The following AGAP1 variants were observed in gnomAD, a reference collection of about 807,000 sequenced individuals.
The protein encoded by AGAP1 is arf-GAP with GTPase, ANK repeat and PH domain-containing protein 1.
Under a neutral mutation model 105.3 loss-of-function variants are expected in AGAP1, and 29 were observed. The observed-to-expected ratio is 0.28, with a 90% CI of 0.21 to 0.38. The LOEUF (loss-of-function observed/expected upper bound fraction) is 0.38. Among genes scored for constraint, AGAP1 ranks in the 10% least tolerant of loss-of-function variants. The pLI, the probability that AGAP1 is intolerant of heterozygous loss-of-function variation, is 1.00. For synonymous variants in AGAP1, 509 were observed against 485.9 expected (o/e 1.05, Z -0.63); for missense variants, 998 against 1,165.1 (o/e 0.86, Z 2.09).
intron 12 of AGAP1, among the ~76,000 whole-genome samples, chr2:235,956,667 C>T (rs2053963757): frequency 6.6e-6 from 1 of 152,200 alleles, no homozygotes; most frequent in Admixed American, 6.5e-5. Context: ...GCTGTCCCAC[C>T]TGTGGTCAGG....
chr2:235,828,630 T>A (rs1959174026), intron 9 of AGAP1, among the ~76,000 whole-genome samples: 1 of 152,140 alleles, frequency 6.6e-6, no homozygotes, highest in African/African-American at 2.4e-5. Context: ...CAGGGTAGAA[T>A]TTAGGCTCAA....
rs989198757 is a variant in AGAP1 at position 235,792,738 on chromosome 2, G to C, written c.674-5021G>C. 2.6e-5 allele frequency among the ~76,000 whole-genome samples: 4 copies of C among 152,206 alleles called. No homozygotes were observed. Among genetic ancestry groups the C allele is most frequent in the Non-Finnish European group, 4.4e-5 (3 of 68,038 alleles). The stretch of plus-strand genomic sequence containing the variant: ...ACAGACGAGAGGCAGGTCTGAGAGA[G>C]GCTAGGAGGCCCAGGCTGGGCGGCG... On this transcript the variant is annotated intron_variant, in intron 6 of 17. Transcript: ENST00000304032. This position sits in a 1 kb window ranked among gnomAD's most constrained non-coding sequence, Gnocchi z 5.3.
At chr2:236,015,788 T>A (rs1343284494) in intron 13 of AGAP1, among the ~76,000 whole-genome samples, 2 of 152,176 alleles carry the variant, frequency 1.3e-5, no homozygotes, top group Non-Finnish European at 2.9e-5. Flanking sequence ...ACTAATTGAC[T>A]TATTTGGGGA....
chr2:235,741,113 A>G lies in AGAP1; in HGVS notation c.396+65A>G. Reference sequence around the variant, plus strand: ...TTTGTTTTCTAAGGTTTGATTCAAGAAGTGCTTCTAGAAATCGGTGACTTG... The same window carrying G: ...TTTGTTTTCTAAGGTTTGATTCAAGGAGTGCTTCTAGAAATCGGTGACTTG... On this transcript the variant is annotated intron_variant, in intron 4 of 17. Transcript: ENST00000304032. This position sits in a 1 kb window ranked among gnomAD's most constrained non-coding sequence, Gnocchi z 4.9. 7.3e-7 allele frequency: 1 copy of G among 1,363,976 alleles called. No homozygotes were observed. The highest frequency in any genetic ancestry group is 9.8e-7 in the Non-Finnish European group (1 of 1,016,950). 84.5% of individuals were successfully genotyped at this position (1,363,976 alleles called of 1,614,324 possible).
chr2:235,606,311 C>T (rs905626373), intron 1 of AGAP1, among the ~76,000 whole-genome samples: 4 of 152,244 alleles, frequency 2.6e-5, no homozygotes, highest in South Asian at 4.1e-4. Context: ...CGCTGAGAGC[C>T]GATCATGTAT....
rs548562889 is a variant in AGAP1 at position 235,982,446 on chromosome 2, G to C, written c.1645+13823G>C. On this transcript the variant is annotated intron_variant, in intron 13 of 17. Transcript: ENST00000304032. This position sits in a 1 kb window ranked among gnomAD's most constrained non-coding sequence, Gnocchi z 4.9. Reference sequence around the variant, plus strand: ...TCATAGCTAGGAGGTCAGAAGGAAGGGGGGACGATTCATGCAATGAGGCAC... The same window carrying C: ...TCATAGCTAGGAGGTCAGAAGGAAGCGGGGACGATTCATGCAATGAGGCAC... 6.6e-6 allele frequency among the ~76,000 whole-genome samples: 1 copy of C among 152,176 alleles called. No homozygotes were observed. Among genetic ancestry groups the C allele is most frequent in the African/African-American group, 2.4e-5 (1 of 41,442 alleles).
chr2:235,579,758 AGAGC>A (rs770098356), intron 1 of AGAP1, among the ~76,000 whole-genome samples: 6 of 151,838 alleles, frequency 4.0e-5, no homozygotes, highest in Non-Finnish European at 8.8e-5. Flanking sequence ...CCTGGGCAAC[AGAGC>A]GAGACTCCAT....
At chr2:236,037,402 A>ATT (rs199682320) in intron 14 of AGAP1, 1 of 151,088 alleles carries the variant, frequency 6.6e-6, no homozygotes, top group Non-Finnish European at 1.5e-5. Context: ...TTTAACCTGT[A>ATT]TTTTTTTTTC....
At chr2:235,681,202 G>A (rs986118419) in intron 1 of AGAP1, among the ~76,000 whole-genome samples, 10 of 152,058 alleles carry the variant, frequency 6.6e-5, no homozygotes, top group African/African-American at 2.2e-4. Context: ...GTAGAGACGG[G>A]GCTTCACCGT....
At chr2:235,605,467 C>T (rs190374410) in intron 1 of AGAP1, among the ~76,000 whole-genome samples, 3 of 152,336 alleles carry the variant, frequency 2.0e-5, no homozygotes, top group South Asian at 2.1e-4. Flanking sequence ...CCGGCCCTTC[C>T]GGCTTGTCGT....
chr2:235,674,903 G>C (rs1175265890), intron 1 of AGAP1, among the ~76,000 whole-genome samples: 1 of 151,736 alleles, frequency 6.6e-6, no homozygotes, highest in Non-Finnish European at 1.5e-5. Context: ...TGGCCAGGAT[G>C]GTCTCCATCT....
In AGAP1 at chr2:235,734,333, C is replaced by T. The variant is rs1952116640; in HGVS notation, c.311-6630C>T. 6.6e-6 allele frequency among the ~76,000 whole-genome samples: 1 copy of T among 152,162 alleles called. No homozygotes were observed. Among genetic ancestry groups the T allele is most frequent in the Admixed American group, 6.5e-5 (1 of 15,288 alleles). ...TCCTCCTGTCTTTCTCCCTTCCAGT[C>T]TGAACCCCACAGCGCTGGGCGGTTG... On this transcript the variant is annotated intron_variant, in intron 3 of 17. Coordinates refer to ENST00000304032, the MANE Select transcript of AGAP1 (RefSeq NM_001037131.3). This position sits in a 1 kb window ranked among gnomAD's most constrained non-coding sequence, Gnocchi z 5.3.
In AGAP1 at chr2:235,953,031, C is replaced by T. The variant is rs1354481840; in HGVS notation, c.1484-15431C>T. Among the ~76,000 whole-genome samples, 2 of 152,140 alleles carry T rather than the reference C, an allele frequency of 1.3e-5. No homozygotes were observed. Among genetic ancestry groups the T allele is most frequent in the African/African-American group, 4.8e-5 (2 of 41,424 alleles). ...CTTTCAAGTGGCTGGGCCTTCTGTA[C>T]GAGGCACCTGACACCACGATGCTAT... On this transcript the variant is annotated intron_variant, in intron 12 of 17. Transcript: ENST00000304032. The surrounding 1 kb of genome is among the most constrained non-coding windows in gnomAD (Gnocchi z 5.2).
In AGAP1 at chr2:236,129,020, C is replaced by T. The variant is rs893380283; in HGVS notation, c.*4898C>T. The T allele has an allele frequency of 5.9e-5, 9 of 152,384 alleles. 1 individual carries two copies. The highest frequency in any genetic ancestry group is 5.2e-4 in the Admixed American group (8 of 15,312). 9.4% of individuals were successfully genotyped at this position (152,384 alleles called of 1,614,324 possible). On this transcript the variant is annotated 3_prime_UTR_variant, in exon 18 of 18. Transcript: ENST00000304032. The surrounding 1 kb of genome is among the most constrained non-coding windows in gnomAD (Gnocchi z 6.2). ...AGGAAATGTAATTTATTTCCAACCG[C>T]TGCCTCAGACGGGGGTTTCACATGT...
chr2:236,103,015 A>T (rs1008234186), intron 16 of AGAP1, among the ~76,000 whole-genome samples: 3 of 13,360 alleles, frequency 2.2e-4, no homozygotes, highest in African/African-American at 1.0e-3. Flanking sequence ...CCCACCCCCC[A>T]CCCCCAGGCC....
At chr2:235,501,633 C>T (rs1048713487) in intron 1 of AGAP1, among the ~76,000 whole-genome samples, 4 of 152,078 alleles carry the variant, frequency 2.6e-5, no homozygotes, top group South Asian at 2.1e-4. Flanking sequence ...TTTGTTAAGA[C>T]GAAAATCCCT....
intron 5 of AGAP1, among the ~76,000 whole-genome samples, chr2:235,749,448 G>GC (rs1953245898): frequency 6.6e-6 from 1 of 151,430 alleles, no homozygotes; most frequent in African/African-American, 2.4e-5. Context: ...CTGCTCAAAC[G>GC]CCCCCGTGTG....
chr2:235,767,515 G>C (rs1464007455), intron 6 of AGAP1, among the ~76,000 whole-genome samples: 2 of 152,220 alleles, frequency 1.3e-5, no homozygotes, highest in Non-Finnish European at 2.9e-5. Flanking sequence ...TGTTCAGAGA[G>C]AGATGAAGCC....
intron 1 of AGAP1, among the ~76,000 whole-genome samples, chr2:235,591,001 G>T (rs569849971): frequency 2.6e-5 from 4 of 151,158 alleles, no homozygotes; most frequent in African/African-American, 9.8e-5. Flanking sequence ...GATTACAGGC[G>T]TGAGCCACCG....
Sources: gnomAD v4.1 joint callset for allele counts (sites outside exome capture counted in the v4.1 genomes callset) on GRCh38, gnomAD v4.1.1 for gene constraint, Gnocchi (gnomAD v3.1) non-coding constraint, MANE v1.5 for transcripts, NCBI Gene and HGNC (gene_info 2026-07-23, HGNC 2026-07-21) for gene names.